The following AKAP19 variants were observed in gnomAD, a reference collection of about 807,000 sequenced individuals.
The protein encoded by AKAP19 is small A-kinase anchoring protein.
the AKAP19 span, among the ~76,000 whole-genome samples, chr2:190,195,330 G>GTAAA: frequency 1.7e-4 from 26 of 152,140 alleles, no homozygotes; most frequent in African/African-American, 6.3e-4. Flanking sequence ...AACTTATTGG[G>GTAAA]TAAATACCAA....
chr2:190,038,950 T>TTCTTCC, the AKAP19 span, among the ~76,000 whole-genome samples: 2 of 147,022 alleles, frequency 1.4e-5, no homozygotes, highest in Non-Finnish European at 3.0e-5. Flanking sequence ...CTTCTTCTTC[T>TTCTTCC]TCTTCTTCTT....
the AKAP19 span, among the ~76,000 whole-genome samples, chr2:190,006,913 T>G: frequency 6.6e-6 from 1 of 151,440 alleles, no homozygotes; most frequent in African/African-American, 2.4e-5. Flanking sequence ...CCAGATACTC[T>G]GGAGGCTGAG....
chr2:190,059,714 G>C, the AKAP19 span, among the ~76,000 whole-genome samples: 1 of 151,820 alleles, frequency 6.6e-6, no homozygotes, highest in Non-Finnish European at 1.5e-5. Context: ...GGTTTATGTG[G>C]TAAAATCCAC....
the AKAP19 span, among the ~76,000 whole-genome samples, chr2:189,895,110 A>T: frequency 2.6e-5 from 4 of 152,170 alleles, no homozygotes; most frequent in Non-Finnish European, 4.4e-5. Flanking sequence ...TGAAGAAATA[A>T]AATTAGATCA....
the AKAP19 span, among the ~76,000 whole-genome samples, chr2:190,016,863 T>C: frequency 6.6e-6 from 1 of 152,220 alleles, no homozygotes; most frequent in Admixed American, 6.5e-5. Flanking sequence ...AGATGATCTG[T>C]TCATTATTAA....
At chr2:190,116,640 A>G in the AKAP19 span, among the ~76,000 whole-genome samples, 1 of 152,068 alleles carries the variant, frequency 6.6e-6, no homozygotes, top group African/African-American at 2.4e-5. Flanking sequence ...ATTCCTAAGG[A>G]CCACTCACAG....
At chr2:190,038,999 TC>T in the AKAP19 span, among the ~76,000 whole-genome samples, 7 of 119,814 alleles carry the variant, frequency 5.8e-5, no homozygotes, top group African/African-American at 2.3e-4. Context: ...TTCTTTCTTC[TC>T]TTCTTCTTCC....
At chr2:190,072,079 T>TA in the AKAP19 span, among the ~76,000 whole-genome samples, 2 of 152,256 alleles carry the variant, frequency 1.3e-5, no homozygotes, top group Middle Eastern at 3.4e-3. Context: ...AATGCAGCCA[T>TA]AAAAAAGAAC....
chr2:190,112,188 C>T, the AKAP19 span, among the ~76,000 whole-genome samples: 8 of 152,292 alleles, frequency 5.3e-5, no homozygotes, highest in East Asian at 3.9e-4. Flanking sequence ...TGCATGAGAA[C>T]GTGGTGTACC....
chr2:189,897,186 G>A, the AKAP19 span, among the ~76,000 whole-genome samples: 4 of 152,094 alleles, frequency 2.6e-5, no homozygotes, highest in African/African-American at 7.2e-5. Flanking sequence ...ATATTACTTC[G>A]TATTTCTTAT....
At chr2:190,170,955 G>A in the AKAP19 span, among the ~76,000 whole-genome samples, 2 of 152,198 alleles carry the variant, frequency 1.3e-5, no homozygotes, top group Admixed American at 6.5e-5. Context: ...TGAACTCTCT[G>A]GAACTGAGCT....
At chr2:190,085,197 G>A in the AKAP19 span, among the ~76,000 whole-genome samples, 1 of 152,206 alleles carries the variant, frequency 6.6e-6, no homozygotes. Context: ...TATTAGATTA[G>A]ACATGAAATA....
chr2:190,061,423 G>T, the AKAP19 span, among the ~76,000 whole-genome samples: 1 of 151,920 alleles, frequency 6.6e-6, no homozygotes, highest in African/African-American at 2.4e-5. Context: ...GATACTACAG[G>T]TAAAAGCCCT....
the AKAP19 span, among the ~76,000 whole-genome samples, chr2:190,163,350 C>T: frequency 6.6e-6 from 1 of 151,794 alleles, no homozygotes; most frequent in South Asian, 2.1e-4. Context: ...AGGAGAATGG[C>T]ATGAACCTGG....
chr2:189,959,178 T>C, the AKAP19 span, among the ~76,000 whole-genome samples: 2 of 151,996 alleles, frequency 1.3e-5, no homozygotes, highest in African/African-American at 4.8e-5. Flanking sequence ...TAATAAAAAT[T>C]ATAAAAATAA....
chr2:190,110,220 AT>A, the AKAP19 span, among the ~76,000 whole-genome samples: 1 of 152,220 alleles, frequency 6.6e-6, no homozygotes, highest in African/African-American at 2.4e-5. Flanking sequence ...GTGAGGGTAT[AT>A]TTAGCCAAGG....
the AKAP19 span, among the ~76,000 whole-genome samples, chr2:190,081,285 A>C: frequency 1.3e-5 from 2 of 148,496 alleles, no homozygotes; most frequent in Non-Finnish European, 1.5e-5. Context: ...GCTACCATCT[A>C]TTTTTTCTGA....
the AKAP19 span, among the ~76,000 whole-genome samples, chr2:190,152,908 T>C: frequency 6.6e-6 from 1 of 151,930 alleles, no homozygotes; most frequent in East Asian, 1.9e-4. Context: ...TCTTTTTTTT[T>C]TTTTTGAGAC....
the AKAP19 span, among the ~76,000 whole-genome samples, chr2:190,161,109 C>A: frequency 6.6e-6 from 1 of 152,002 alleles, no homozygotes; most frequent in Non-Finnish European, 1.5e-5. Flanking sequence ...TATTAGACAT[C>A]ATTAAATTAA....
Sources: gnomAD v4.1 joint callset for allele counts (sites outside exome capture counted in the v4.1 genomes callset) on GRCh38, gnomAD v4.1.1 for gene constraint, MANE v1.5 for transcripts, NCBI Gene and HGNC (gene_info 2026-07-23, HGNC 2026-07-21) for gene names.